CELF1: variants seen among roughly 807,000 people sequenced by gnomAD.
CELF1 encodes the protein CUGBP Elav-like family member 1.
In CELF1, 10 loss-of-function variants were observed where a neutral mutation model predicts 61.8. The ratio of observed to expected loss-of-function variants is 0.16; its 90% CI spans 0.10 to 0.27. The LOEUF (loss-of-function observed/expected upper bound fraction) is 0.27. Among genes scored for constraint, CELF1 ranks in the 10% least tolerant of loss-of-function variants. CELF1 has a pLI of 1.00. For missense variants in CELF1, 380 were observed against 639.1 expected, an observed-to-expected ratio of 0.59 and a Z score of 4.37; for synonymous variants, 236 against 225.1, an observed-to-expected ratio of 1.05 and a Z score of -0.43.
chr11:47,492,181 T>A (rs892530970), intron 3 of CELF1, among the ~76,000 whole-genome samples: 1 of 152,112 alleles, frequency 6.6e-6, no homozygotes, highest in Non-Finnish European at 1.5e-5. Context: ...GGTCTCACTA[T>A]GTTGCAAGGG....
At chr11:47,527,889 A>G (rs2096306657) in intron 1 of CELF1, among the ~76,000 whole-genome samples, 1 of 152,258 alleles carries the variant, frequency 6.6e-6, no homozygotes, top group Non-Finnish European at 1.5e-5. Flanking sequence ...TGAGGTGAGG[A>G]GTTCAAGACC....
At chr11:47,493,462 C>G (rs570782585) in intron 3 of CELF1, among the ~76,000 whole-genome samples, 2 of 141,854 alleles carry the variant, frequency 1.4e-5, no homozygotes, top group Non-Finnish European at 3.0e-5. Context: ...GAGCCGAGAT[C>G]GTGCCATTGT....
chr11:47,479,769 T>C (rs1209707888), intron 9 of CELF1, among the ~76,000 whole-genome samples: 1 of 152,184 alleles, frequency 6.6e-6, no homozygotes, highest in Non-Finnish European at 1.5e-5. Flanking sequence ...TTATGGAAAA[T>C]TGGTATTCTT....
chr11:47,487,362 G>A lies in CELF1; in HGVS notation c.260-121C>T, dbSNP rs911406807. 9 of 662,412 alleles carry A rather than the reference G, an allele frequency of 1.4e-5. No individual in the cohort carries two copies. The East Asian group carries it at 1.9e-4, about 14-fold the overall frequency. The allele number at this position is 662,412 out of a possible 1,614,324, so 41.0% of individuals were successfully genotyped here. ...GCTGGGTTTATTAAAATTAGTGAGA[G>A]GGGGAGGGTAGTGGAAAAGAACGAA... On this transcript the variant is annotated intron_variant, in intron 4 of 14. Transcript: ENST00000687097.
intron 1 of CELF1, among the ~76,000 whole-genome samples, chr11:47,522,828 G>GAAAAAAAAAAA (rs1349865658): frequency 1.7e-5 from 1 of 60,208 alleles, no homozygotes; most frequent in Non-Finnish European, 3.4e-5. Flanking sequence ...TCCATCTCCA[G>GAAAAAAAAAAA]AAAAAAAAAA....
At chr11:47,521,715 TATGGTGGAAAAGA>T (rs981197995) in intron 1 of CELF1, among the ~76,000 whole-genome samples, 1 of 152,168 alleles carries the variant, frequency 6.6e-6, no homozygotes, top group African/African-American at 2.4e-5. Context: ...GCTTGGTGTT[TATGGTGGAAAAGA>T]ATGAGTCCCA....
intron 9 of CELF1, 113 bp downstream of exon 9, chr11:47,482,582 A>C (rs2083987589): frequency 4.0e-6 from 4 of 999,324 alleles, no homozygotes; most frequent in Admixed American, 2.4e-5. Flanking sequence ...TTTACATATA[A>C]TTTCTATATG....
intron 1 of CELF1, among the ~76,000 whole-genome samples, chr11:47,546,944 G>C (rs992526774): frequency 6.6e-6 from 1 of 151,736 alleles, no homozygotes; most frequent in African/African-American, 2.4e-5. Context: ...GCATATGCCT[G>C]TAATCCCAGC....
intron 9 of CELF1, among the ~76,000 whole-genome samples, chr11:47,480,943 C>T (rs2082655374): frequency 6.6e-6 from 1 of 151,932 alleles, no homozygotes; most frequent in South Asian, 2.1e-4. Context: ...TTGGAGGTTG[C>T]AGTGAGCAGA....
intron 1 of CELF1, among the ~76,000 whole-genome samples, chr11:47,552,057 T>G (rs542528399): frequency 1.3e-5 from 2 of 152,058 alleles, no homozygotes; most frequent in South Asian, 4.2e-4. Flanking sequence ...AAAGATTCAT[T>G]ATTTGTAACC....
At chr11:47,519,849 C>A (rs1287631112) in intron 1 of CELF1, among the ~76,000 whole-genome samples, 1 of 151,160 alleles carries the variant, frequency 6.6e-6, no homozygotes, top group Non-Finnish European at 1.5e-5. Context: ...GGCGACGGAG[C>A]CAGACTCCGT....
At chr11:47,522,744 T>C (rs1329292536) in intron 1 of CELF1, among the ~76,000 whole-genome samples, 5 of 147,518 alleles carry the variant, frequency 3.4e-5, no homozygotes, top group African/African-American at 1.0e-4. Context: ...GAGAATTGCT[T>C]GAACCTGGGA....
chr11:47,500,969 C>A (rs1182560300), intron 1 of CELF1, 37 bp from the exon 2 acceptor site: 1 of 397,954 alleles, frequency 2.5e-6, no homozygotes, highest in Non-Finnish European at 4.4e-6. Flanking sequence ...ACTAAACACA[C>A]AGAGTTAACG....
At chr11:47,537,889 T>G (rs1247579114) in intron 1 of CELF1, among the ~76,000 whole-genome samples, 1 of 152,036 alleles carries the variant, frequency 6.6e-6, no homozygotes, top group Non-Finnish European at 1.5e-5. Flanking sequence ...CATAAAGGCA[T>G]AATCATTTTG....
chr11:47,488,927 T>C lies in CELF1; in HGVS notation c.169A>G (p.Lys57Glu). The C allele has an allele frequency of 6.2e-7, 1 of 1,613,274 alleles. No individual in the cohort carries two copies. Among genetic ancestry groups the C allele is most frequent in the South Asian group, 1.1e-5 (1 of 90,952 alleles). The change falls in exon 4 of 15, where the codon AAG becomes GAG. Residue 57 changes from lysine (K) to glutamate (E), a missense_variant. By Grantham distance (56) the Lys-to-Glu change is moderately conservative (BLOSUM62 1). Coordinates refer to ENST00000687097, the MANE Select transcript of CELF1 (RefSeq NM_001376376.1). ...TGTTCGAAGAGTTCCCGCAAGTCCT[T>C]TTCAGACCAGGTCCTTGGAACCTGG... ...VGQVPRTWSE[K>E]DLRELFEQYG...
intron 1 of CELF1, among the ~76,000 whole-genome samples, chr11:47,513,182 C>G (rs1244612295): frequency 6.6e-6 from 1 of 152,220 alleles, no homozygotes; most frequent in Non-Finnish European, 1.5e-5. Flanking sequence ...CAATTCACCT[C>G]ATTTAAAATG....
intron 3 of CELF1, among the ~76,000 whole-genome samples, chr11:47,497,079 AAGG>A (rs1050827122): frequency 6.6e-6 from 1 of 152,212 alleles, no homozygotes; most frequent in Non-Finnish European, 1.5e-5. Context: ...CTTGAACTCC[AAGG>A]AGGAGAGGAA....
chr11:47,484,569 G>A lies in CELF1; in HGVS notation c.392-46C>T, dbSNP rs1450259528. ...AGACTTGAATATTACTACTTAAAGA[G>A]GCAATGTGGCACAGATTTGGGAGCC... On this transcript the variant is annotated intron_variant, in intron 6 of 14. Coordinates refer to ENST00000687097, the MANE Select transcript of CELF1 (RefSeq NM_001376376.1). The A allele has an allele frequency of 3.2e-6, 5 of 1,562,930 alleles. No individual in the cohort carries two copies. The South Asian group carries it at 5.8e-5, about 18-fold the overall frequency.
chr11:47,521,619 T>C (rs1329669491), intron 1 of CELF1, among the ~76,000 whole-genome samples: 1 of 152,228 alleles, frequency 6.6e-6, no homozygotes, highest in Non-Finnish European at 1.5e-5. Flanking sequence ...AGAATTAAAT[T>C]TATACATGTA....
Sources: gnomAD v4.1 joint callset for allele counts (sites outside exome capture counted in the v4.1 genomes callset) on GRCh38, gnomAD v4.1.1 for gene constraint, MANE v1.5 for transcripts, NCBI Gene and HGNC (gene_info 2026-07-23, HGNC 2026-07-21) for gene names.